LMO7: variants seen among roughly 807,000 people sequenced by gnomAD.
The protein encoded by LMO7 is LIM domain 7, also known as LIM domain only protein 7.
A neutral mutation model predicts 206.5 loss-of-function variants in LMO7; 120 were observed. The observed-to-expected ratio is 0.58, with a 90% confidence interval of 0.50 to 0.68. The LOEUF is 0.68. Among genes scored for constraint, LMO7 ranks in the 30% least tolerant of loss-of-function variants. The pLI is 0.00. For synonymous variants in LMO7, 706 were observed against 681.5 expected (o/e 1.04, Z -0.56); for missense variants, 1,959 against 1,957.9 (o/e 1.00, Z -0.01).
At chr13:75,849,403 G>A (rs967700981) in intron 27 of LMO7, 111 bp downstream of exon 27, 20 of 759,890 alleles carry the variant, frequency 2.6e-5, no homozygotes, top group South Asian at 3.5e-5. Context: ...TAGAGCGAAC[G>A]CTCTGGGCAC....
At chr13:75,794,645 G>A (rs748271704) in intron 4 of LMO7, among the ~76,000 whole-genome samples, 1 of 152,174 alleles carries the variant, frequency 6.6e-6, no homozygotes, top group African/African-American at 2.4e-5. Context: ...TCCTGCTTAA[G>A]TGTCTCTAAT....
chr13:75,667,524 C>T (rs535698558), intron 1 of LMO7, among the ~76,000 whole-genome samples: 4 of 152,088 alleles, frequency 2.6e-5, no homozygotes, highest in Non-Finnish European at 5.9e-5. Context: ...TGCTTCTGGT[C>T]GTCTCTTCAG....
rs187633609 is a variant in LMO7 at position 75,696,028 on chromosome 13, T to C, written c.70-17154T>C. Among the ~76,000 whole-genome samples the C allele has an allele frequency of 5.3e-5, 8 of 152,276 alleles. No individual in the cohort carries two copies. The East Asian group carries it at 1.5e-3, about 29-fold the overall frequency. On this transcript the variant is annotated intron_variant, in intron 1 of 30. Transcript: ENST00000377534. ...GCAGGTGGCAGCAGAGAACAGAAAC[T>C]GATTTCATGCCTGATTTCCTTACAT...
intron 4 of LMO7, among the ~76,000 whole-genome samples, chr13:75,786,769 CTCTAG>C (rs1438305988): frequency 6.6e-6 from 1 of 152,170 alleles, no homozygotes; most frequent in African/African-American, 2.4e-5. Context: ...CTAATTACAT[CTCTAG>C]TCTAAGTTTC....
At chr13:75,645,168 A>G (rs1313456602) in intron 1 of LMO7, among the ~76,000 whole-genome samples, 1 of 152,184 alleles carries the variant, frequency 6.6e-6, no homozygotes, top group Non-Finnish European at 1.5e-5. Flanking sequence ...GCATACCAGA[A>G]ATTGTACAGA....
At chr13:75,734,246 G>C (rs898927714) in intron 3 of LMO7, among the ~76,000 whole-genome samples, 4 of 152,170 alleles carry the variant, frequency 2.6e-5, no homozygotes, top group Admixed American at 2.0e-4. Context: ...CTCAGACGGG[G>C]TAAGACATTT....
chr13:75,673,429 C>T lies in LMO7; in HGVS notation c.69+36703C>T, dbSNP rs147492593. 8.6e-4 allele frequency among the ~76,000 whole-genome samples: 131 copies of T among 152,264 alleles called. 1 individual carries two copies. The highest frequency in any genetic ancestry group is 1.5e-3 in the Non-Finnish European group (99 of 68,026). ...CTATTGCCTTGCCGGTAAAGAGGGA[C>T]AGGCTGCTGGCATAACCCTTTAATC... On this transcript the variant is annotated intron_variant, in intron 1 of 30. Transcript: ENST00000377534.
chr13:75,726,975 A>G, intron 2 of LMO7, 54 bp from the exon 3 acceptor site: 2 of 1,017,804 alleles, frequency 2.0e-6, no homozygotes, highest in African/African-American at 1.6e-5. Flanking sequence ...GAATGCTAAC[A>G]AAAAACCTGA....
At chr13:75,626,522 G>A (rs867546412) in intron 2 of LMO7, among the ~76,000 whole-genome samples, 43 of 147,836 alleles carry the variant, frequency 2.9e-4, no homozygotes, top group Admixed American at 1.1e-3. Flanking sequence ...AATTGAAATT[G>A]AGATTTGGGT....
rs561894573 is a variant in LMO7, at chr13:75,795,302, A to T, written c.318-99A>T. ...ATTTGGACTTCCATGTGATATTAAT[A>T]TTCATAGAATTTTAGAATAAAAATG... On this transcript the variant is annotated intron_variant, in intron 4 of 30. Transcript: ENST00000377534. The T allele has an allele frequency of 4.0e-5, 31 of 772,140 alleles. No homozygotes were observed. The African/African-American group carries it at 5.1e-4, about 13-fold the overall frequency. The allele number at this position is 772,140 out of a possible 1,614,324, so 47.8% of individuals were successfully genotyped here.
intron 13 of LMO7, among the ~76,000 whole-genome samples, chr13:75,819,959 A>G (rs2057412884): frequency 6.6e-6 from 1 of 152,228 alleles, no homozygotes; most frequent in African/African-American, 2.4e-5. Context: ...GCAATTCATT[A>G]TATTTTAAAG....
intron 9 of LMO7, chr13:75,807,194 C>T: frequency 3.0e-6 from 1 of 331,480 alleles, no homozygotes; most frequent in South Asian, 5.3e-5. Flanking sequence ...GGGAGGGGTA[C>T]CTAGTCCATG....
Position 75,757,131 on chromosome 13 carries a change from A to G in LMO7, c.211-3801A>G, listed in dbSNP as rs894959849. Among the ~76,000 whole-genome samples, 5 of 152,176 alleles carry G rather than the reference A, an allele frequency of 3.3e-5. No individual in the cohort carries two copies. The East Asian group carries it at 7.7e-4, about 23-fold the overall frequency. The stretch of plus-strand genomic sequence containing the variant: ...TCTTGCTCCTTGGATCACGGGCTCT[A>G]TCAAGCAGCCCTTTGGAGATGTCCA... On this transcript the variant is annotated intron_variant, in intron 3 of 30. Coordinates refer to ENST00000377534, the MANE Select transcript of LMO7 (RefSeq NM_001306080.2).
intron 2 of LMO7, among the ~76,000 whole-genome samples, chr13:75,624,406 A>G (rs1272745065): frequency 6.6e-6 from 1 of 152,170 alleles, no homozygotes; most frequent in Admixed American, 6.5e-5. Flanking sequence ...AGGAGAGAGC[A>G]CCTTTCATAA....
rs118013622 is a variant in LMO7 at position 75,826,231 on chromosome 13, G to A, written c.2949+2358G>A. Reference sequence around the variant, plus strand: ...AATTTTCGTATTTTTTTGTAGAGACGGGCTTTTGCCACATTACCCATACTG... The same window carrying A: ...AATTTTCGTATTTTTTTGTAGAGACAGGCTTTTGCCACATTACCCATACTG... On this transcript the variant is annotated intron_variant, in intron 15 of 30. Coordinates refer to ENST00000377534, the MANE Select transcript of LMO7 (RefSeq NM_001306080.2). Among the ~76,000 whole-genome samples the A allele has an allele frequency of 8.7e-3, 1,320 of 151,860 alleles. 11 individuals carry two copies. The highest frequency in any genetic ancestry group is 0.013 in the Non-Finnish European group (904 of 67,928).
At chr13:75,852,385 A>G (rs1159833322) in intron 27 of LMO7, among the ~76,000 whole-genome samples, 1 of 152,246 alleles carries the variant, frequency 6.6e-6, no homozygotes, top group African/African-American at 2.4e-5. Flanking sequence ...CCTCTCTGGC[A>G]GTCCACATAT....
At position 75,842,021 on chromosome 13, in the gene LMO7, G is replaced by C. The variant is rs766670412; in HGVS notation, c.4031+38G>C. ...AGCCAGAGGGTACAAAGGCTTAGCTGTATCCATTCCCCACTTCAAAGGCAC... is the reference window on the plus strand; with the variant it reads ...AGCCAGAGGGTACAAAGGCTTAGCTCTATCCATTCCCCACTTCAAAGGCAC... On this transcript the variant is annotated intron_variant, in intron 24 of 30. Coordinates refer to ENST00000377534, the MANE Select transcript of LMO7 (RefSeq NM_001306080.2). 8.0e-6 allele frequency: 12 copies of C among 1,494,106 alleles called. No individual in the cohort carries two copies. The African/African-American group carries it at 1.3e-4, about 16-fold the overall frequency. The allele number at this position is 1,494,106 out of a possible 1,614,324, so 92.6% of individuals were successfully genotyped here. A position where few individuals can be genotyped will look rare whatever the true frequency, so the allele number is the denominator to read the frequency against.
intron 4 of LMO7, among the ~76,000 whole-genome samples, chr13:75,774,851 A>C (rs1427877066): frequency 6.6e-6 from 1 of 152,134 alleles, no homozygotes; most frequent in Non-Finnish European, 1.5e-5. Flanking sequence ...AGATTTGATG[A>C]AATTACCATT....
intron 2 of LMO7, among the ~76,000 whole-genome samples, chr13:75,719,956 A>T (rs1355796596): frequency 6.6e-6 from 1 of 152,230 alleles, no homozygotes; most frequent in African/African-American, 2.4e-5. Context: ...CATTTCTACC[A>T]GCAGAGAATG....
Sources: allele counts gnomAD v4.1 joint callset (sites outside exome capture counted in the v4.1 genomes callset), GRCh38; gene constraint gnomAD v4.1.1; transcripts MANE v1.5; gene names NCBI Gene and HGNC (gene_info 2026-07-23, HGNC 2026-07-21).